PLCB1: variants seen among roughly 807,000 people sequenced by gnomAD.
PLCB1 encodes the protein phospholipase C beta 1, also known as 1-phosphatidylinositol 4,5-bisphosphate phosphodiesterase beta-1.
A neutral mutation model predicts 161.8 loss-of-function variants in PLCB1; 46 were observed. The observed-to-expected ratio is 0.28, with a 90% CI of 0.22 to 0.36. The LOEUF (loss-of-function observed/expected upper bound fraction) is 0.36. Ranked by LOEUF, PLCB1 falls within the 10% of genes least tolerant of loss-of-function variation. The probability of loss-of-function intolerance (pLI) is 1.00; values close to 1 mark genes in which losing one functional copy is unlikely to be tolerated. For synonymous variants in PLCB1, 517 were observed against 503.7 expected (o/e 1.03, Z -0.35); for missense variants, 1,016 against 1,472.5 (o/e 0.69, Z 5.07).
intron 3 of PLCB1, among the ~76,000 whole-genome samples, chr20:8,584,483 G>GACACACACACAC (rs61008784): frequency 0.018 from 2,636 of 147,726 alleles, 76 homozygotes; most frequent in African/African-American, 0.045. Context: ...CACACACACA[G>GACACACACACAC]ACACACACAC....
chr20:8,863,738 GA>G (rs1987332240), intron 31 of PLCB1, among the ~76,000 whole-genome samples: 1 of 152,164 alleles, frequency 6.6e-6, no homozygotes, highest in African/African-American at 2.4e-5. Flanking sequence ...AAGAGGCCTT[GA>G]TTTTCAATCT....
At chr20:8,315,845 C>T (rs1363266684) in intron 2 of PLCB1, among the ~76,000 whole-genome samples, 2 of 152,116 alleles carry the variant, frequency 1.3e-5, no homozygotes, top group Non-Finnish European at 2.9e-5. Context: ...AAAGGGCAAC[C>T]GTAAGTGATG....
chr20:8,535,370 A>G (rs1427938140), intron 3 of PLCB1, among the ~76,000 whole-genome samples: 2 of 152,164 alleles, frequency 1.3e-5, no homozygotes, highest in Non-Finnish European at 2.9e-5. Context: ...ATTTCAGAAA[A>G]CTATAAGGCT....
At chr20:8,226,180 G>C (rs1196234675) in intron 2 of PLCB1, among the ~76,000 whole-genome samples, 2 of 152,090 alleles carry the variant, frequency 1.3e-5, no homozygotes, top group Non-Finnish European at 2.9e-5. Context: ...GATCTTCACT[G>C]TTGCTTCGAG....
chr20:8,760,300 C>T lies in PLCB1; in HGVS notation c.2657-107C>T. 9 of 627,006 alleles carry T rather than the reference C, an allele frequency of 1.4e-5. 1 individual carries two copies. The South Asian group carries it at 2.1e-4, about 14-fold the overall frequency. 38.8% of individuals were successfully genotyped at this position (627,006 alleles called of 1,614,324 possible). On this transcript the variant is annotated intron_variant, in intron 24 of 31. Coordinates refer to ENST00000338037, the MANE Select transcript of PLCB1 (RefSeq NM_015192.4). ...AATTTTCTCACACAATTTGTCATTT[C>T]TCTGAAAAGAGATTTAGATTCAAGG...
In PLCB1 at chr20:8,430,902, G is replaced by A. The variant is rs533730971; in HGVS notation, c.246+59452G>A. The stretch of plus-strand genomic sequence containing the variant: ...GAGCCCAGAAGTAGGAGACAGCAGT[G>A]AGCTATGATCACACCACTTGCGCTC... On this transcript the variant is annotated intron_variant, in intron 3 of 31. Coordinates refer to ENST00000338037, the MANE Select transcript of PLCB1 (RefSeq NM_015192.4). Among the ~76,000 whole-genome samples the A allele has an allele frequency of 7.9e-5, 12 of 152,170 alleles. No individual in the cohort carries two copies. In the South Asian group the frequency reaches 1.7e-3, roughly 21 times the overall value.
At chr20:8,320,832 AGG>A (rs1271816306) in intron 2 of PLCB1, among the ~76,000 whole-genome samples, 12 of 62,204 alleles carry the variant, frequency 1.9e-4, no homozygotes, top group Non-Finnish European at 3.3e-4. Flanking sequence ...GGAGGGAGAG[AGG>A]GAGGGAGGGA....
At chr20:8,668,373 C>T (rs1989866151) in intron 9 of PLCB1, among the ~76,000 whole-genome samples, 1 of 152,080 alleles carries the variant, frequency 6.6e-6, no homozygotes, top group Non-Finnish European at 1.5e-5. Flanking sequence ...TATCTCCAAG[C>T]TAGGGATAGC....
chr20:8,484,221 C>T (rs1982624803), intron 3 of PLCB1, among the ~76,000 whole-genome samples: 1 of 152,062 alleles, frequency 6.6e-6, no homozygotes, highest in Non-Finnish European at 1.5e-5. Context: ...GACAGGGTTT[C>T]TCCATGTTGG....
chr20:8,741,300 G>T (rs763709414), intron 22 of PLCB1, among the ~76,000 whole-genome samples, 164 bp from the exon 23 acceptor site: 2 of 152,208 alleles, frequency 1.3e-5, no homozygotes, highest in African/African-American at 2.4e-5. Context: ...CAGAAGAATG[G>T]AAGATGGATA....
At chr20:8,134,218 A>G (rs1458466928) in intron 1 of PLCB1, among the ~76,000 whole-genome samples, 4 of 152,082 alleles carry the variant, frequency 2.6e-5, no homozygotes, top group African/African-American at 9.7e-5. Context: ...TGTGTCAGGG[A>G]AAAAAAAGAC....
intron 3 of PLCB1, among the ~76,000 whole-genome samples, chr20:8,481,027 C>T (rs1008745512): frequency 6.6e-6 from 1 of 152,026 alleles, no homozygotes; most frequent in Non-Finnish European, 1.5e-5. Context: ...TAAGTTGAAT[C>T]GGGGAGGCAA....
chr20:8,271,797 CA>C (rs1365810636), intron 2 of PLCB1, among the ~76,000 whole-genome samples: 16 of 152,068 alleles, frequency 1.1e-4, no homozygotes, highest in Admixed American at 5.9e-4. Context: ...AAGCATCCTA[CA>C]ATCCAATTAC....
At chr20:8,142,334 C>T (rs2051413013) in intron 1 of PLCB1, among the ~76,000 whole-genome samples, 1 of 152,192 alleles carries the variant, frequency 6.6e-6, no homozygotes, top group Admixed American at 6.5e-5. Context: ...CTTGTCCTTC[C>T]ATTCCATCTG....
chr20:8,540,464 A>G (rs1474899212), intron 3 of PLCB1, among the ~76,000 whole-genome samples: 1 of 152,152 alleles, frequency 6.6e-6, no homozygotes, highest in East Asian at 1.9e-4. Context: ...AAGACAGAAA[A>G]GAAAATACCT....
chr20:8,324,901 T>A (rs931166586), intron 2 of PLCB1, among the ~76,000 whole-genome samples: 2 of 152,254 alleles, frequency 1.3e-5, no homozygotes, highest in African/African-American at 2.4e-5. Context: ...AAGAGGTTCT[T>A]ATGGATTTTT....
intron 2 of PLCB1, among the ~76,000 whole-genome samples, chr20:8,161,554 T>C (rs1215082954): frequency 6.6e-6 from 1 of 152,198 alleles, no homozygotes; most frequent in Non-Finnish European, 1.5e-5. Context: ...CTGTTTAATA[T>C]GTAAAGTTAA....
chr20:8,841,696 G>A (rs1986510573), intron 31 of PLCB1, among the ~76,000 whole-genome samples: 1 of 152,172 alleles, frequency 6.6e-6, no homozygotes, highest in Non-Finnish European at 1.5e-5. Flanking sequence ...AGTCCAGGAT[G>A]CCAATGAAGG....
At chr20:8,549,006 G>A (rs73094068) in intron 3 of PLCB1, among the ~76,000 whole-genome samples, 4,124 of 152,158 alleles carry the variant, frequency 0.027, 72 homozygotes, top group South Asian at 0.038. Context: ...AAAGAAAATG[G>A]GAAGGCAAAT....
Sources: gnomAD v4.1 joint callset for allele counts (sites outside exome capture counted in the v4.1 genomes callset) on GRCh38, gnomAD v4.1.1 for gene constraint, MANE v1.5 for transcripts, NCBI Gene and HGNC (gene_info 2026-07-23, HGNC 2026-07-21) for gene names.